Variants in MYO3B observed in about 807,000 individuals in gnomAD.
MYO3B encodes the protein myosin-IIIb.
MYO3B carries 156 observed loss-of-function variants against 174.6 expected under a neutral mutation model. The observed-to-expected ratio is 0.89, with a 90% confidence interval of 0.78 to 1.02. The LOEUF is 1.02. Among genes scored for constraint, MYO3B ranks in the 50% least tolerant of loss-of-function variants. MYO3B has a pLI of 0.00. For synonymous variants in MYO3B, 563 were observed against 569.1 expected (o/e 0.99, Z 0.15); for missense variants, 1,632 against 1,639.4 (o/e 1.00, Z 0.08).
chr2:170,337,609 C>T lies in MYO3B; in HGVS notation c.815+2159C>T, dbSNP rs193058661. 9.8e-4 allele frequency among the ~76,000 whole-genome samples: 149 copies of T among 152,238 alleles called. 2 individuals carry two copies. The highest frequency in any genetic ancestry group is 9.6e-3 in the South Asian group (46 of 4,812). On this transcript the variant is annotated intron_variant, in intron 8 of 34. Transcript: ENST00000408978. ...CGCAGTTGACTCTTAAACAATGCAG[C>T]GGTTGGGGTGCTGACTACCCCCCAC...
At chr2:170,418,582 A>T (rs2094596005) in intron 22 of MYO3B, among the ~76,000 whole-genome samples, 1 of 152,198 alleles carries the variant, frequency 6.6e-6, no homozygotes, top group Non-Finnish European at 1.5e-5. Flanking sequence ...AACAGGGTGG[A>T]GTGTGGTGCT....
chr2:170,577,204 T>C (rs1189671051), intron 32 of MYO3B, among the ~76,000 whole-genome samples: 1 of 152,244 alleles, frequency 6.6e-6, no homozygotes, highest in African/African-American at 2.4e-5. Flanking sequence ...AAAAATTCTA[T>C]GTAAAGCTAT....
At chr2:170,250,768 C>A (rs1054330617) in intron 7 of MYO3B, among the ~76,000 whole-genome samples, 2 of 152,048 alleles carry the variant, frequency 1.3e-5, no homozygotes, top group African/African-American at 4.8e-5. Flanking sequence ...TGGCTCTCAG[C>A]AGGATGGATG....
intron 9 of MYO3B, among the ~76,000 whole-genome samples, chr2:170,380,540 A>G (rs1007473471): frequency 2.0e-5 from 3 of 152,194 alleles, no homozygotes; most frequent in Admixed American, 6.5e-5. Context: ...CTTCTAGCCA[A>G]TGCTTTCCTC....
chr2:170,238,855 C>A (rs1265324597), intron 7 of MYO3B, among the ~76,000 whole-genome samples: 1 of 152,190 alleles, frequency 6.6e-6, no homozygotes, highest in Non-Finnish European at 1.5e-5. Context: ...CCTTGCTTTT[C>A]CCTTTTCTTC....
At chr2:170,615,733 A>G (rs966153162) in intron 32 of MYO3B, among the ~76,000 whole-genome samples, 14 of 152,308 alleles carry the variant, frequency 9.2e-5, no homozygotes, top group Middle Eastern at 3.4e-3. Context: ...TGGCAGGTTG[A>G]GAAATAATAG....
chr2:170,293,978 C>CTT (rs11445077), intron 7 of MYO3B, among the ~76,000 whole-genome samples: 70,205 of 151,294 alleles, frequency 0.46, 17,508 homozygotes, highest in East Asian at 0.66. Flanking sequence ...GAATTTCGTT[C>CTT]TTTTTTTTCC....
At position 170,391,539 on chromosome 2, in the gene MYO3B, ATATT is replaced by A; in HGVS notation, c.1599_1602del (p.Phe534ThrfsTer27). On this transcript the variant is annotated frameshift_variant, in exon 15 of 35. Transcript: ENST00000408978. LOFTEE classifies it high-confidence loss of function. ...TTTCAGGAGAGAGAAAAATTTTCAT[ATATT>A]TTACTATATTTATGCTGGTCTTCAT... The A allele has an allele frequency of 6.6e-7, 1 of 1,522,632 alleles. No homozygotes were observed. Among genetic ancestry groups the A allele is most frequent in the Non-Finnish European group, 8.8e-7 (1 of 1,137,704 alleles). The allele number at this position is 1,522,632 out of a possible 1,614,324, so 94.3% of individuals were successfully genotyped here. A position where few individuals can be genotyped will look rare whatever the true frequency, so the allele number is the denominator to read the frequency against.
At chr2:170,348,183 C>T (rs1211116405) in intron 8 of MYO3B, 3 of 152,136 alleles carry the variant, frequency 2.0e-5, no homozygotes, top group African/African-American at 4.8e-5. Flanking sequence ...GTATCAGTAC[C>T]ATGTATCAGT....
intron 9 of MYO3B, among the ~76,000 whole-genome samples, chr2:170,380,925 G>A (rs1023324227): frequency 7.2e-5 from 11 of 152,078 alleles, no homozygotes; most frequent in African/African-American, 2.7e-4. Flanking sequence ...AGATTAGCCT[G>A]GACAACAAAG....
At chr2:170,235,180 G>T (rs1357449546) in intron 6 of MYO3B, among the ~76,000 whole-genome samples, 1 of 152,168 alleles carries the variant, frequency 6.6e-6, no homozygotes, top group Non-Finnish European at 1.5e-5. Context: ...GGTCATCCTG[G>T]TGGCAGATTT....
rs773365811 is a variant in MYO3B at position 170,403,037 on chromosome 2, G to A, written c.2277+42G>A. 4.6e-6 allele frequency: 7 copies of A among 1,532,562 alleles called. No homozygotes were observed. In the Admixed American group the frequency reaches 1.2e-4, roughly 26 times the overall value. 94.9% of individuals were successfully genotyped at this position (1,532,562 alleles called of 1,614,324 possible). A position where few individuals can be genotyped will look rare whatever the true frequency, so the allele number is the denominator to read the frequency against. On this transcript the variant is annotated intron_variant, in intron 19 of 34. Coordinates refer to ENST00000408978, the MANE Select transcript of MYO3B (RefSeq NM_138995.5). ...AGGTAACTAAACTTGATGGGGAAAA[G>A]GTGTCTCCAAGCTGCCCACAATTTG...
At chr2:170,343,071 A>ACC (rs1455544972) in intron 8 of MYO3B, among the ~76,000 whole-genome samples, 82 of 141,732 alleles carry the variant, frequency 5.8e-4, no homozygotes, top group Non-Finnish European at 1.1e-3. Flanking sequence ...ACACACACAC[A>ACC]CACACACCCC....
intron 1 of MYO3B, among the ~76,000 whole-genome samples, chr2:170,197,689 T>A (rs2105332248): frequency 6.6e-6 from 1 of 151,288 alleles, no homozygotes; most frequent in South Asian, 2.1e-4. Flanking sequence ...TGAAACAAAT[T>A]CGGAACCTCC....
At chr2:170,251,968 T>G (rs1486292002) in intron 7 of MYO3B, among the ~76,000 whole-genome samples, 2 of 152,318 alleles carry the variant, frequency 1.3e-5, no homozygotes, top group African/African-American at 4.8e-5. Flanking sequence ...CATACATTCT[T>G]ACTCCTAAGT....
intron 32 of MYO3B, among the ~76,000 whole-genome samples, chr2:170,648,550 G>C (rs1435735729): frequency 6.6e-6 from 1 of 150,742 alleles, no homozygotes; most frequent in Non-Finnish European, 1.5e-5. Context: ...AGCATCGCTT[G>C]AGGCGGAGGC....
chr2:170,232,553 T>G (rs1197603264), intron 6 of MYO3B, among the ~76,000 whole-genome samples: 2 of 152,254 alleles, frequency 1.3e-5, no homozygotes, highest in Admixed American at 6.5e-5. Flanking sequence ...ACTTTTATTA[T>G]AGATAGCACT....
intron 8 of MYO3B, among the ~76,000 whole-genome samples, chr2:170,347,145 G>A (rs994811717): frequency 1.3e-5 from 2 of 152,152 alleles, no homozygotes; most frequent in Non-Finnish European, 2.9e-5. Flanking sequence ...TCTGTGTGAG[G>A]AGTACAGATA....
At chr2:170,419,261 T>C (rs991932399) in intron 22 of MYO3B, among the ~76,000 whole-genome samples, 1 of 152,218 alleles carries the variant, frequency 6.6e-6, no homozygotes, top group African/African-American at 2.4e-5. Flanking sequence ...GGAAACTCTT[T>C]ATTTTATCTA....
Sources: gnomAD v4.1 joint callset for allele counts (sites outside exome capture counted in the v4.1 genomes callset) on GRCh38, gnomAD v4.1.1 for gene constraint, MANE v1.5 for transcripts, NCBI Gene and HGNC (gene_info 2026-07-23, HGNC 2026-07-21) for gene names.